The following RTN3 variants were observed in gnomAD, a reference collection of about 807,000 sequenced individuals.
The protein encoded by RTN3 is reticulon-3.
In RTN3, 49 loss-of-function variants were observed where a neutral mutation model predicts 77.8. The ratio of observed to expected loss-of-function variants is 0.63; its 90% confidence interval spans 0.50 to 0.80. The LOEUF is 0.80. Ranked by LOEUF, RTN3 falls within the 30% of genes least tolerant of loss-of-function variation. The pLI, the probability that RTN3 is intolerant of heterozygous loss-of-function variation, is 0.00. For synonymous variants in RTN3, 464 were observed against 446.9 expected (o/e 1.04, Z -0.48); for missense variants, 1,236 against 1,211.9 (o/e 1.02, Z -0.29).
intron 1 of RTN3, among the ~76,000 whole-genome samples, chr11:63,691,613 C>T (rs1941664106): frequency 1.3e-5 from 2 of 152,118 alleles, no homozygotes; most frequent in African/African-American, 4.8e-5. Flanking sequence ...AATAAATGGC[C>T]ATTCTGTTCT....
intron 2 of RTN3, among the ~76,000 whole-genome samples, chr11:63,709,505 C>T (rs1315424887): frequency 1.3e-5 from 2 of 151,484 alleles, no homozygotes; most frequent in Non-Finnish European, 2.9e-5. Context: ...CAGTAGGCAT[C>T]TGGAATAGGA....
intron 3 of RTN3, among the ~76,000 whole-genome samples, chr11:63,735,086 G>A (rs1048563588): frequency 1.3e-5 from 2 of 151,978 alleles, no homozygotes; most frequent in African/African-American, 2.4e-5. Flanking sequence ...GAGTGCAGTG[G>A]CGCAATCTCT....
At chr11:63,746,757 G>A (rs1429344391) in intron 3 of RTN3, among the ~76,000 whole-genome samples, 2 of 151,914 alleles carry the variant, frequency 1.3e-5, no homozygotes, top group African/African-American at 4.8e-5. Context: ...CTCGTGATCT[G>A]CCTGCCTCAA....
chr11:63,696,626 A>G (rs61928204), intron 1 of RTN3, among the ~76,000 whole-genome samples: 15,605 of 139,802 alleles, frequency 0.11, 983 homozygotes, highest in South Asian at 0.17. Context: ...GCTCACTGCA[A>G]CCTCCACCTC....
chr11:63,751,729 C>G (rs764169828), intron 4 of RTN3, among the ~76,000 whole-genome samples: 3 of 152,110 alleles, frequency 2.0e-5, no homozygotes, highest in African/African-American at 7.2e-5. Context: ...CGGTGACTTA[C>G]GCATGTAGTC....
chr11:63,696,018 T>C (rs563121139), intron 1 of RTN3, among the ~76,000 whole-genome samples: 1 of 152,228 alleles, frequency 6.6e-6, no homozygotes, highest in African/African-American at 2.4e-5. Context: ...AACCCAGTTG[T>C]TAATGACTTA....
intron 3 of RTN3, among the ~76,000 whole-genome samples, chr11:63,733,892 A>G (rs2134978416): frequency 6.6e-6 from 1 of 152,052 alleles, no homozygotes; most frequent in East Asian, 1.9e-4. Context: ...CCTTGCCTCA[A>G]AAAGAAAAAA....
chr11:63,719,567 T>C lies in RTN3; in HGVS notation c.1065T>C (p.Ser355=). 6.2e-7 allele frequency: 1 copy of C among 1,614,168 alleles called. No individual in the cohort carries two copies. ...AAGTGAAACAACAGACCGATAAATCTTCTGACTGCATCACAAAAACTACAG... is the reference window on the plus strand; with the variant it reads ...AAGTGAAACAACAGACCGATAAATCCTCTGACTGCATCACAAAAACTACAG... The part of the protein sequence containing the change: ...VPQVKQQTDK[S]SDCITKTTGL... Residue 355 remains serine, a synonymous_variant, in exon 3 of 9, where the codon TCT becomes TCC. Coordinates refer to ENST00000377819, the MANE Select transcript of RTN3 (RefSeq NM_001265589.2).
intron 1 of RTN3, among the ~76,000 whole-genome samples, chr11:63,690,633 A>G (rs1941606025): frequency 2.0e-5 from 3 of 152,218 alleles, no homozygotes; most frequent in Non-Finnish European, 2.9e-5. Flanking sequence ...TTCAGTGATC[A>G]GTTTAATTTA....
At position 63,720,766 on chromosome 11, in the gene RTN3, A is replaced by G; in HGVS notation, c.2264A>G (p.Gln755Arg). 1.9e-6 allele frequency: 3 copies of G among 1,614,214 alleles called. No individual in the cohort carries two copies. The highest frequency in any genetic ancestry group is 2.5e-6 in the Non-Finnish European group (3 of 1,180,046). ...GCTCTTAAAGAATTAGGTGAAAGAC[A>G]GGTTGAGAAGTCAACTTCTGCACAG... Reference protein sequence around the residue: ...IKALKELGERQVEKSTSAQRD... With the variant: ...IKALKELGERRVEKSTSAQRD... The change falls in exon 3 of 9, where the codon CAG becomes CGG. Residue 755 changes from glutamine to arginine, a missense_variant. Coordinates refer to ENST00000377819, the MANE Select transcript of RTN3 (RefSeq NM_001265589.2).
intron 1 of RTN3, among the ~76,000 whole-genome samples, chr11:63,697,601 G>A (rs546523223): frequency 3.3e-5 from 5 of 151,958 alleles, no homozygotes; most frequent in Non-Finnish European, 5.9e-5. Flanking sequence ...TTGGCCTCCC[G>A]AGTAGCTGGG....
At chr11:63,752,998 A>C in intron 5 of RTN3, 71 bp from the exon 6 acceptor site, 1 of 1,364,258 alleles carries the variant, frequency 7.3e-7, no homozygotes, top group South Asian at 1.2e-5. Flanking sequence ...TAGCTGGAGG[A>C]GAATGACATC....
At chr11:63,709,584 T>TTAA in intron 2 of RTN3, among the ~76,000 whole-genome samples, 1 of 148,782 alleles carries the variant, frequency 6.7e-6, no homozygotes, top group Middle Eastern at 3.4e-3. Flanking sequence ...AGCCTTTTTT[T>TTAA]AAAAAAAAAA....
chr11:63,718,674 AT>A, intron 2 of RTN3, 27 bp from the exon 3 acceptor site: 1 of 1,512,692 alleles, frequency 6.6e-7, no homozygotes, highest in Non-Finnish European at 8.8e-7. Context: ...CTGGTAAACA[AT>A]TTTTTTCTTT....
chr11:63,750,526 T>C, intron 4 of RTN3: 1 of 235,546 alleles, frequency 4.2e-6, no homozygotes, highest in Non-Finnish European at 8.4e-6. Context: ...GATCTCAGCT[T>C]ATCGCAACCT....
intron 3 of RTN3, among the ~76,000 whole-genome samples, chr11:63,747,625 G>A (rs926398894): frequency 6.6e-6 from 1 of 152,168 alleles, no homozygotes; most frequent in Non-Finnish European, 1.5e-5. Flanking sequence ...GCTCTAGGAA[G>A]GTTAGTCTTC....
chr11:63,732,473 A>G (rs1313372363), intron 3 of RTN3, among the ~76,000 whole-genome samples: 1 of 152,020 alleles, frequency 6.6e-6, no homozygotes. Flanking sequence ...CTTTTGGCCA[A>G]AATTATTTCT....
chr11:63,724,484 CTTTTTTTTTTTTTTT>C (rs34237318), intron 3 of RTN3, among the ~76,000 whole-genome samples: 1 of 81,758 alleles, frequency 1.2e-5, no homozygotes, highest in Admixed American at 1.5e-4. Flanking sequence ...GTGCCCGGCC[CTTTTTTTTTTTTTTT>C]TTTTTTTTTA....
chr11:63,686,285 A>G (rs905071439), intron 1 of RTN3, among the ~76,000 whole-genome samples: 1 of 151,950 alleles, frequency 6.6e-6, no homozygotes, highest in Non-Finnish European at 1.5e-5. Flanking sequence ...CCTGGCTAAC[A>G]TGGTGAAACC....
Sources: gnomAD v4.1 joint callset for allele counts (sites outside exome capture counted in the v4.1 genomes callset) on GRCh38, gnomAD v4.1.1 for gene constraint, MANE v1.5 for transcripts, NCBI Gene and HGNC (gene_info 2026-07-23, HGNC 2026-07-21) for gene names.